The following YTHDC2 variants were observed in gnomAD, a reference collection of about 807,000 sequenced individuals.
YTHDC2 encodes the protein 3'-5' RNA helicase YTHDC2.
In YTHDC2, 45 loss-of-function variants were observed where a neutral mutation model predicts 174.9. That is an observed-to-expected ratio of 0.26 (90% CI 0.20 to 0.33). The LOEUF is 0.33. Among genes scored for constraint, YTHDC2 ranks in the 10% least tolerant of loss-of-function variants. The pLI is 1.00. For synonymous variants in YTHDC2, 657 were observed against 574.5 expected, an observed-to-expected ratio of 1.14 and a Z score of -2.05; for missense variants, 1,650 against 1,723.7, an observed-to-expected ratio of 0.96 and a Z score of 0.76.
Position 113,553,217 on chromosome 5 carries a change from T to G in YTHDC2, c.1725T>G (p.Ser575=). The G allele has an allele frequency of 6.4e-7, 1 of 1,567,136 alleles. No individual in the cohort carries two copies. Among genetic ancestry groups the G allele is most frequent in the Non-Finnish European group, 8.6e-7 (1 of 1,159,254 alleles). ...TLEFGNLDES[S]LVQTNGSDLS... ...AATTTGGAAATCTAGATGAAAGTTC[T>G]CTGGTTCAAACAAATGGAAGTGACC... The change falls in exon 13 of 30, where the codon TCT becomes TCG. Residue 575 remains serine (S), a synonymous_variant. Coordinates refer to ENST00000161863, the MANE Select transcript of YTHDC2 (RefSeq NM_022828.5).
At chr5:113,552,325 C>T (rs1776300919) in intron 12 of YTHDC2, among the ~76,000 whole-genome samples, 1 of 152,068 alleles carries the variant, frequency 6.6e-6, no homozygotes. Context: ...CATTAGGTGT[C>T]TCTCCCTATT....
At chr5:113,588,501 T>C (rs946077221) in intron 26 of YTHDC2, among the ~76,000 whole-genome samples, 2 of 152,096 alleles carry the variant, frequency 1.3e-5, no homozygotes, top group Admixed American at 6.6e-5. Flanking sequence ...ATAAGATTAG[T>C]TGGGAAGTGT....
chr5:113,514,387 G>A, intron 1 of YTHDC2: 1 of 606,770 alleles, frequency 1.6e-6, no homozygotes, highest in East Asian at 3.5e-5. Context: ...TCAGATATTG[G>A]TTAGCCCTAA....
chr5:113,539,655 A>G (rs974381187), intron 8 of YTHDC2, among the ~76,000 whole-genome samples: 12 of 152,220 alleles, frequency 7.9e-5, no homozygotes, highest in Admixed American at 2.6e-4. Context: ...TTGTAATGAC[A>G]TATTTCAGCT....
intron 18 of YTHDC2, among the ~76,000 whole-genome samples, chr5:113,562,464 C>G (rs1332894140): frequency 6.6e-6 from 1 of 151,808 alleles, no homozygotes; most frequent in Non-Finnish European, 1.5e-5. Context: ...TTCCCACTTC[C>G]CAATGCTTAT....
intron 10 of YTHDC2, among the ~76,000 whole-genome samples, chr5:113,545,075 G>A (rs1202133401): frequency 2.0e-5 from 3 of 151,976 alleles, no homozygotes; most frequent in South Asian, 2.1e-4. Flanking sequence ...GATTTGGCCC[G>A]TTGTTTCTGC....
intron 2 of YTHDC2, chr5:113,517,497 A>G (rs1773518610): frequency 2.2e-6 from 1 of 454,936 alleles, no homozygotes; most frequent in Admixed American, 2.4e-5. Flanking sequence ...ATGAATAGAT[A>G]TCTTGGGAAG....
chr5:113,572,777 A>G (rs10074487), intron 23 of YTHDC2, among the ~76,000 whole-genome samples: 5,222 of 152,206 alleles, frequency 0.034, 140 homozygotes, highest in African/African-American at 0.075. Flanking sequence ...TAGGATTGCA[A>G]CCACTGCCTT....
chr5:113,518,680 C>A (rs889075281), intron 2 of YTHDC2, among the ~76,000 whole-genome samples: 22 of 151,674 alleles, frequency 1.5e-4, no homozygotes, highest in Non-Finnish European at 2.4e-4. Flanking sequence ...AGCCTGGATT[C>A]TATTTCCAGT....
At chr5:113,585,085 G>A (rs189403743) in intron 26 of YTHDC2, among the ~76,000 whole-genome samples, 58 of 152,004 alleles carry the variant, frequency 3.8e-4, no homozygotes, top group Non-Finnish European at 4.9e-4. Context: ...CAGCCCTTTA[G>A]AAACTTTTTT....
In YTHDC2 at chr5:113,553,859, G is replaced by A; in HGVS notation, c.2052+5G>A. 1 of 1,583,610 alleles carries A rather than the reference G, an allele frequency of 6.3e-7. No individual in the cohort carries two copies. Among genetic ancestry groups the A allele is most frequent in the Non-Finnish European group, 8.5e-7 (1 of 1,173,942 alleles). On this transcript the variant is annotated splice_donor_5th_base_variant and intron_variant, in intron 15 of 29. Transcript: ENST00000161863. ...CCTGCAGGTGTTCGAAAAATAGTAA[G>A]CTTCATAAAATCTTCTTTTTAACAC... is the stretch of plus-strand genomic sequence containing the variant.
rs746243287 is a variant in YTHDC2, at chr5:113,526,596, A to G, written c.486A>G (p.Glu162=). ...TATTCATTTTCAAAGAAAACCGGGAAATGAGCAAGACAAGTGGGCGACTCA... is the reference window on the plus strand; with the variant it reads ...TATTCATTTTCAAAGAAAACCGGGAGATGAGCAAGACAAGTGGGCGACTCA... ...NVFAVEAENR[E]MSKTSGRLNN... The change falls in exon 4 of 30, where the codon GAA becomes GAG. Residue 162 remains glutamate (E), a synonymous_variant. Coordinates refer to ENST00000161863, the MANE Select transcript of YTHDC2 (RefSeq NM_022828.5). The G allele has an allele frequency of 6.5e-7, 1 of 1,541,686 alleles. No homozygotes were observed. Among genetic ancestry groups the G allele is most frequent in the South Asian group, 1.3e-5 (1 of 79,320 alleles).
intron 26 of YTHDC2, among the ~76,000 whole-genome samples, chr5:113,588,831 G>A (rs1477897964): frequency 1.3e-5 from 2 of 151,344 alleles, no homozygotes; most frequent in East Asian, 1.9e-4. Flanking sequence ...CACCATGTTG[G>A]CCAGGCTGGT....
chr5:113,588,684 G>A lies in YTHDC2; in HGVS notation c.3826-2357G>A, dbSNP rs546356504. 5.3e-4 allele frequency among the ~76,000 whole-genome samples: 81 copies of A among 151,548 alleles called. 1 individual carries two copies. The highest frequency in any genetic ancestry group is 2.1e-3 in the South Asian group (10 of 4,798). ...GCCACCCAGGCTGGAGTGCAGTGGC[G>A]CGATCTCGGCTCACTACAAGCTCAG... On this transcript the variant is annotated intron_variant, in intron 26 of 29. Coordinates refer to ENST00000161863, the MANE Select transcript of YTHDC2 (RefSeq NM_022828.5).
chr5:113,540,885 T>A, intron 8 of YTHDC2, 83 bp from the exon 9 acceptor site: 3 of 1,330,530 alleles, frequency 2.3e-6, no homozygotes, highest in South Asian at 1.5e-5. Context: ...GATACCAGAT[T>A]CCCATAATTT....
chr5:113,548,806 T>G, intron 11 of YTHDC2, 139 bp downstream of exon 11: 3 of 1,163,468 alleles, frequency 2.6e-6, no homozygotes, highest in Non-Finnish European at 2.3e-6. Context: ...GGGTTAATAA[T>G]TTTGAATGAC....
At chr5:113,561,252 C>T in intron 18 of YTHDC2, 67 bp downstream of exon 18, 1 of 1,249,220 alleles carries the variant, frequency 8.0e-7, no homozygotes, top group Non-Finnish European at 1.1e-6. Flanking sequence ...ATTTCAACTT[C>T]TATGGATTAG....
intron 23 of YTHDC2, among the ~76,000 whole-genome samples, chr5:113,576,004 ATT>A (rs1243898477): frequency 6.6e-6 from 1 of 152,202 alleles, no homozygotes; most frequent in African/African-American, 2.4e-5. Context: ...CTTGTCACTC[ATT>A]TGAGATTCAG....
rs371289287 is a variant in YTHDC2 at position 113,594,702 on chromosome 5, G to A, written c.*1228G>A. 6.6e-6 allele frequency: 1 copy of A among 152,264 alleles called. No homozygotes were observed. Among genetic ancestry groups the A allele is most frequent in the East Asian group, 1.9e-4 (1 of 5,180 alleles). 9.4% of individuals were successfully genotyped at this position (152,264 alleles called of 1,614,324 possible). A position where few individuals can be genotyped will look rare whatever the true frequency, so the allele number is the denominator to read the frequency against. On this transcript the variant is annotated 3_prime_UTR_variant, in exon 30 of 30. Coordinates refer to ENST00000161863, the MANE Select transcript of YTHDC2 (RefSeq NM_022828.5). ...TGTCTTGGTTACTGAGCTCTAAATAGACAGGTTTGATGGCACTTCTCATGA... is the reference window on the plus strand; with the variant it reads ...TGTCTTGGTTACTGAGCTCTAAATAAACAGGTTTGATGGCACTTCTCATGA...
Sources: gnomAD v4.1 joint callset for allele counts (sites outside exome capture counted in the v4.1 genomes callset) on GRCh38, gnomAD v4.1.1 for gene constraint, MANE v1.5 for transcripts, NCBI Gene and HGNC (gene_info 2026-07-23, HGNC 2026-07-21) for gene names.